The following NBEAL1 variants were observed in gnomAD, a reference collection of about 807,000 sequenced individuals.
NBEAL1 encodes the protein neurobeachin-like protein 1.
NBEAL1 carries 273 observed loss-of-function variants against 351.3 expected under a neutral mutation model. The ratio of observed to expected loss-of-function variants is 0.78; its 90% CI spans 0.70 to 0.86. The LOEUF (loss-of-function observed/expected upper bound fraction) is 0.86. Ranked by LOEUF, NBEAL1 falls within the 40% of genes least tolerant of loss-of-function variation. NBEAL1 has a pLI of 0.00. For synonymous variants in NBEAL1, 1,050 were observed against 1,086.4 expected (o/e 0.97, Z 0.66); for missense variants, 2,961 against 3,201.3 (o/e 0.92, Z 1.81).
intron 31 of NBEAL1, among the ~76,000 whole-genome samples, chr2:203,141,366 A>ATTTTTAT (rs2063370884): frequency 2.2e-4 from 2 of 9,100 alleles, no homozygotes; most frequent in Non-Finnish European, 5.1e-4. Context: ...TATTATTATT[A>ATTTTTAT]TTTTTTTTTT....
intron 7 of NBEAL1, among the ~76,000 whole-genome samples, chr2:203,069,709 G>A (rs1358159911): frequency 1.3e-5 from 2 of 152,198 alleles, no homozygotes; most frequent in African/African-American, 2.4e-5. Flanking sequence ...AGGCTGGAGT[G>A]CAGTAGTGCA....
intron 18 of NBEAL1, among the ~76,000 whole-genome samples, chr2:203,121,171 G>A (rs554100199): frequency 3.3e-5 from 5 of 151,938 alleles, no homozygotes; most frequent in Non-Finnish European, 7.4e-5. Flanking sequence ...AGTATCTTAT[G>A]CCTGTAATTG....
intron 3 of NBEAL1, among the ~76,000 whole-genome samples, chr2:203,047,238 CAA>C (rs761484505): frequency 1.6e-5 from 2 of 126,996 alleles, no homozygotes; most frequent in African/African-American, 2.9e-5. Context: ...AACTCCATCT[CAA>C]AAAAAAAAAA....
intron 25 of NBEAL1, among the ~76,000 whole-genome samples, 187 bp downstream of exon 25, chr2:203,130,663 T>C (rs181419082): frequency 1.4e-4 from 22 of 152,296 alleles, no homozygotes; most frequent in Admixed American, 1.3e-3. Flanking sequence ...TATATTGTAA[T>C]CTGAAAATCC....
rs971409402 is a variant in NBEAL1 at position 203,217,860 on chromosome 2, A to G, written c.*506A>G. 4 of 985,304 alleles carry G rather than the reference A, an allele frequency of 4.1e-6. No individual in the cohort carries two copies. The African/African-American group carries it at 5.2e-5, about 13-fold the overall frequency. 61.0% of individuals were successfully genotyped at this position (985,304 alleles called of 1,614,324 possible). ...AACTCGGTGAAAGTTACAAGTTTGC[A>G]TGGTAAGAATAAAATAAGAATATTG... On this transcript the variant is annotated 3_prime_UTR_variant, in exon 56 of 56. Transcript: ENST00000683969.
Position 203,138,750 on chromosome 2 carries a change from T to G in NBEAL1, c.4848+2T>G, listed in dbSNP as rs1311186302. On this transcript the variant is annotated splice_donor_variant, in intron 31 of 55. Coordinates refer to ENST00000683969, the MANE Select transcript of NBEAL1 (RefSeq NM_001378026.1). LOFTEE classifies it high-confidence loss of function. ...TTCATTGGAAGGGGTAATTTGCAGG[T>G]TTGTCCATTCTTTTATATTATTTTC... 2 of 1,607,192 alleles carry G rather than the reference T, an allele frequency of 1.2e-6. No homozygotes were observed. The highest frequency in any genetic ancestry group is 1.7e-5 in the Admixed American group (1 of 58,186).
intron 10 of NBEAL1, among the ~76,000 whole-genome samples, chr2:203,087,471 T>C (rs1021722225): frequency 8.5e-5 from 13 of 152,200 alleles, no homozygotes; most frequent in Admixed American, 2.0e-4. Context: ...AATCCTTTGC[T>C]TAACATGTTC....
chr2:203,176,729 CAAA>C (rs10655926), intron 42 of NBEAL1, among the ~76,000 whole-genome samples: 1 of 133,182 alleles, frequency 7.5e-6, no homozygotes, highest in African/African-American at 2.8e-5. Flanking sequence ...GAAACTGTCT[CAAA>C]AAAAAAAAAA....
chr2:203,029,771 A>C (rs1310580460), intron 2 of NBEAL1, among the ~76,000 whole-genome samples: 1 of 152,118 alleles, frequency 6.6e-6, no homozygotes, highest in Non-Finnish European at 1.5e-5. Flanking sequence ...GTGTATTCTA[A>C]GCCTATTTTG....
chr2:203,190,157 TGTAC>T (rs1285575270), intron 45 of NBEAL1, 131 bp from the exon 46 acceptor site: 15 of 402,966 alleles, frequency 3.7e-5, no homozygotes, highest in Admixed American at 2.9e-4. Context: ...AAAAGATGTG[TGTAC>T]ACACACACAC....
chr2:203,130,017 G>A (rs1470368804), intron 24 of NBEAL1, among the ~76,000 whole-genome samples: 2 of 152,110 alleles, frequency 1.3e-5, no homozygotes, highest in Non-Finnish European at 2.9e-5. Context: ...CAGAAAATCA[G>A]CCAGGCATGG....
rs1405456910 is a variant in NBEAL1, at chr2:203,020,401, G to A, written c.51+3966G>A. 4.6e-5 allele frequency among the ~76,000 whole-genome samples: 7 copies of A among 152,242 alleles called. No homozygotes were observed. In the South Asian group the frequency reaches 1.0e-3, roughly 23 times the overall value. On this transcript the variant is annotated intron_variant, in intron 2 of 55. Transcript: ENST00000683969. ...CAAGTTGTATAGTCTGAACCTAGGCGCAGTGGCTTATGTCTGTAAGGCTCA... is the reference window on the plus strand; with the variant it reads ...CAAGTTGTATAGTCTGAACCTAGGCACAGTGGCTTATGTCTGTAAGGCTCA...
intron 2 of NBEAL1, among the ~76,000 whole-genome samples, chr2:203,018,678 T>C (rs1315707573): frequency 6.6e-6 from 1 of 152,146 alleles, no homozygotes; most frequent in African/African-American, 2.4e-5. Context: ...ATGCACCAAG[T>C]AGAGATGTTA....
chr2:203,060,127 G>A (rs1312311057), intron 6 of NBEAL1, among the ~76,000 whole-genome samples: 1 of 152,076 alleles, frequency 6.6e-6, no homozygotes, highest in Admixed American at 6.5e-5. Flanking sequence ...ACAGAAAGAG[G>A]AACATAAAAT....
At chr2:203,177,907 T>C (rs1172878821) in intron 42 of NBEAL1, among the ~76,000 whole-genome samples, 1 of 151,802 alleles carries the variant, frequency 6.6e-6, no homozygotes, top group African/African-American at 2.4e-5. Flanking sequence ...TAATCCTAGC[T>C]ACTCTGGAGG....
chr2:203,016,298 GA>G lies in NBEAL1; in HGVS notation c.-82del, dbSNP rs2060679456. On this transcript the variant is annotated 5_prime_UTR_variant, in exon 2 of 56. The change abolishes the stop of an existing upstream ORF in the 5' untranslated region. Coordinates refer to ENST00000683969, the MANE Select transcript of NBEAL1 (RefSeq NM_001378026.1). Reference sequence around the variant, plus strand: ...CTGCTATGAGCTTTACTGAACGGCTGAAAAACTTGGAAAATAAAATGGACAT... The same window carrying G: ...CTGCTATGAGCTTTACTGAACGGCTGAAAACTTGGAAAATAAAATGGACAT... 2.0e-6 allele frequency: 2 copies of G among 976,170 alleles called. No homozygotes were observed. Among genetic ancestry groups the G allele is most frequent in the Admixed American group, 5.5e-5 (2 of 36,232 alleles). The allele number at this position is 976,170 out of a possible 1,614,324, so 60.5% of individuals were successfully genotyped here.
intron 34 of NBEAL1, among the ~76,000 whole-genome samples, chr2:203,150,212 A>G (rs1369705264): frequency 6.6e-6 from 1 of 152,148 alleles, no homozygotes; most frequent in African/African-American, 2.4e-5. Context: ...CCGCATTCTT[A>G]CTAACACTTG....
Position 203,057,368 on chromosome 2 carries a change from T to C in NBEAL1, c.430T>C (p.Cys144Arg), listed in dbSNP as rs1399808030. The C allele has an allele frequency of 8.4e-6, 13 of 1,551,526 alleles. No individual in the cohort carries two copies. The highest frequency in any genetic ancestry group is 3.9e-5 in the Admixed American group (2 of 50,974). The change falls in exon 6 of 56, where the codon TGT becomes CGT. Residue 144 changes from cysteine (C) to arginine (R), a missense_variant. Physicochemically the swap from Cys to Arg is radical, Grantham distance 180 (BLOSUM62 -3). Coordinates refer to ENST00000683969, the MANE Select transcript of NBEAL1 (RefSeq NM_001378026.1). ...KKEKEMADQT[C>R]IEEFVIHALA... ...AGAGAAGGAAATGGCAGATCAGACA[T>C]GTATTGAAGAATTTGTGATCCACGC... is the stretch of plus-strand genomic sequence containing the variant.
chr2:203,188,686 G>A (rs1210423373), intron 45 of NBEAL1, 97 bp downstream of exon 45: 5 of 649,438 alleles, frequency 7.7e-6, no homozygotes, highest in Non-Finnish European at 1.0e-5. Context: ...ATATCAGAAA[G>A]ACTACATTTT....
Sources: gnomAD v4.1 joint callset for allele counts (sites outside exome capture counted in the v4.1 genomes callset) on GRCh38, gnomAD v4.1.1 for gene constraint, MANE v1.5 for transcripts, NCBI Gene and HGNC (gene_info 2026-07-23, HGNC 2026-07-21) for gene names.